The following CHD9 variants were observed in gnomAD, a reference collection of about 807,000 sequenced individuals.
CHD9 encodes ATP-dependent chromatin remodeler CHD9.
A neutral mutation model predicts 316.1 loss-of-function variants in CHD9; 77 were observed. The observed-to-expected ratio is 0.24, with a 90% CI of 0.20 to 0.29. CHD9 has a LOEUF of 0.29. Among genes scored for constraint, CHD9 ranks in the 10% least tolerant of loss-of-function variants. The probability of loss-of-function intolerance (pLI) is 1.00; values close to 1 mark genes in which losing one functional copy is unlikely to be tolerated. For synonymous variants in CHD9, 1,129 were observed against 1,158.3 expected (o/e 0.97, Z 0.51); for missense variants, 2,763 against 3,438.1 (o/e 0.80, Z 4.91).
intron 20 of CHD9, among the ~76,000 whole-genome samples, chr16:53,264,009 A>G (rs1013252212): frequency 6.6e-4 from 100 of 152,086 alleles, no homozygotes; most frequent in African/African-American, 2.3e-3. Flanking sequence ...GAAAAATATA[A>G]TGTAATAGGA....
chr16:53,185,648 C>T (rs2043930318), intron 2 of CHD9, among the ~76,000 whole-genome samples: 1 of 152,218 alleles, frequency 6.6e-6, no homozygotes, highest in Admixed American at 6.5e-5. Flanking sequence ...GTGGCAGTCT[C>T]TCCAGTCACA....
intron 1 of CHD9, among the ~76,000 whole-genome samples, chr16:53,139,371 A>G (rs574117513): frequency 1.3e-5 from 2 of 152,316 alleles, no homozygotes; most frequent in East Asian, 1.9e-4. Flanking sequence ...CCTTGTATTA[A>G]TAAGGTGCTA....
intron 27 of CHD9, among the ~76,000 whole-genome samples, chr16:53,290,975 T>A (rs2054284739): frequency 6.6e-6 from 1 of 152,280 alleles, no homozygotes; most frequent in South Asian, 2.1e-4. Flanking sequence ...AGATAGCAGC[T>A]GAGAATTTTT....
intron 1 of CHD9, among the ~76,000 whole-genome samples, chr16:53,125,085 C>T (rs2038911739): frequency 6.6e-6 from 1 of 152,128 alleles, no homozygotes; most frequent in Non-Finnish European, 1.5e-5. Context: ...AATGTCTACT[C>T]AGATACTGTG....
intron 1 of CHD9, chr16:53,130,847 G>T (rs1371135478): frequency 3.9e-5 from 6 of 151,932 alleles, no homozygotes; most frequent in African/African-American, 7.2e-5. Flanking sequence ...GCCCCTCCGC[G>T]CCCGGGCCAA....
intron 7 of CHD9, among the ~76,000 whole-genome samples, chr16:53,228,639 G>A (rs375640053): frequency 6.7e-5 from 10 of 150,184 alleles, no homozygotes; most frequent in East Asian, 2.0e-4. Context: ...GCTCGAAAGC[G>A]TTTTAAATCA....
At chr16:53,214,155 T>C (rs2046554359) in intron 3 of CHD9, among the ~76,000 whole-genome samples, 3 of 152,168 alleles carry the variant, frequency 2.0e-5, no homozygotes, top group Admixed American at 6.5e-5. Flanking sequence ...TGCTATCATA[T>C]ATATGTACAT....
At chr16:53,143,299 G>C (rs1158468545) in intron 1 of CHD9, among the ~76,000 whole-genome samples, 1 of 151,502 alleles carries the variant, frequency 6.6e-6, no homozygotes, top group Non-Finnish European at 1.5e-5. Context: ...GGAATACATG[G>C]CATTAAAGCC....
chr16:53,231,300 T>G (rs2048153942), intron 8 of CHD9, 119 bp from the exon 9 acceptor site: 1 of 539,486 alleles, frequency 1.9e-6, no homozygotes, highest in Admixed American at 3.5e-5. Context: ...ATTCCATTTA[T>G]TGGACATTTA....
At chr16:53,299,658 A>T (rs924640551) in intron 30 of CHD9, 4 of 357,992 alleles carry the variant, frequency 1.1e-5, no homozygotes, top group East Asian at 1.6e-4. Context: ...TTCAAAGAAG[A>T]TCGAGGGCCT....
chr16:53,115,766 G>A (rs971552697), intron 1 of CHD9, among the ~76,000 whole-genome samples: 7 of 152,312 alleles, frequency 4.6e-5, no homozygotes, highest in Admixed American at 6.5e-5. Flanking sequence ...TTCTTTTTTA[G>A]TGGATGGAGA....
chr16:53,229,964 G>A (rs1188609000), intron 8 of CHD9, among the ~76,000 whole-genome samples: 1 of 152,196 alleles, frequency 6.6e-6, no homozygotes, highest in Non-Finnish European at 1.5e-5. Flanking sequence ...GTGTATGTGT[G>A]TGTGTGTGTT....
intron 29 of CHD9, 124 bp from the exon 30 acceptor site, chr16:53,296,832 G>A (rs1442750864): frequency 8.2e-6 from 5 of 608,588 alleles, no homozygotes; most frequent in Non-Finnish European, 1.4e-5. Flanking sequence ...CAGCAAGCTT[G>A]TATTTAATCC....
intron 4 of CHD9, among the ~76,000 whole-genome samples, chr16:53,224,819 C>A (rs1413523310): frequency 6.6e-6 from 1 of 151,998 alleles, no homozygotes; most frequent in African/African-American, 2.4e-5. Flanking sequence ...ATTCTTTTAG[C>A]CTAGTGTTAG....
intron 1 of CHD9, among the ~76,000 whole-genome samples, chr16:53,088,926 A>T (rs1404176615): frequency 6.6e-6 from 1 of 151,672 alleles, no homozygotes; most frequent in Non-Finnish European, 1.5e-5. Context: ...AGCCTGGCCA[A>T]TATGGTGAAA....
intron 3 of CHD9, among the ~76,000 whole-genome samples, chr16:53,215,684 C>T (rs886279370): frequency 3.9e-5 from 6 of 151,998 alleles, no homozygotes; most frequent in African/African-American, 1.5e-4. Flanking sequence ...AACAAATGGA[C>T]TAATTGGGTA....
rs1398397985 is a variant in CHD9 at position 53,256,315 on chromosome 16, C to G, written c.4209+536C>G. 1.3e-5 allele frequency among the ~76,000 whole-genome samples: 2 copies of G among 149,806 alleles called. 1 individual carries two copies. Among genetic ancestry groups the G allele is most frequent in the Admixed American group, 1.3e-4 (2 of 14,970 alleles). On this transcript the variant is annotated intron_variant, in intron 19 of 38. Coordinates refer to ENST00000447540, the MANE Select transcript of CHD9 (RefSeq NM_001308319.2). ...ATTTTGGAAGGAAACATTAATAACT[C>G]TATACTCTGTTAGGCGATAATATTT...
chr16:53,138,321 CA>C (rs997806518), intron 1 of CHD9, among the ~76,000 whole-genome samples: 3 of 152,076 alleles, frequency 2.0e-5, no homozygotes, highest in Non-Finnish European at 4.4e-5. Flanking sequence ...TTGAATTTCT[CA>C]AAGATTTGAG....
In CHD9 at chr16:53,308,666, TAATG is replaced by T. The variant is rs753151366; in HGVS notation, c.7054-19_7054-16del. ...TTTTTTTTAACAGTTTCTGTCTTAATAATGGTATTTGTTTAACAGGAAGGTGGTT... is the reference window on the plus strand; with the variant it reads ...TTTTTTTTAACAGTTTCTGTCTTAATGTATTTGTTTAACAGGAAGGTGGTT... On this transcript the variant is annotated splice_polypyrimidine_tract_variant and intron_variant, in intron 33 of 38. Coordinates refer to ENST00000447540, the MANE Select transcript of CHD9 (RefSeq NM_001308319.2). 1 of 1,589,282 alleles carries T rather than the reference TAATG, an allele frequency of 6.3e-7. No homozygotes were observed. The highest frequency in any genetic ancestry group is 8.6e-7 in the Non-Finnish European group (1 of 1,161,126).
Sources: allele counts gnomAD v4.1 joint callset (sites outside exome capture counted in the v4.1 genomes callset), GRCh38; gene constraint gnomAD v4.1.1; transcripts MANE v1.5; gene names NCBI Gene and HGNC (gene_info 2026-07-23, HGNC 2026-07-21).